The following ZNF138 variants were observed in gnomAD, a reference collection of about 807,000 sequenced individuals.
ZNF138 encodes zinc finger protein 138, also known as zinc finger protein 138 (clone pHZ-32).
ZNF138 carries 33 observed loss-of-function variants against 33.0 expected under a neutral mutation model. The ratio of observed to expected loss-of-function variants is 1.00; its 90% CI spans 0.76 to 1.34. The LOEUF (loss-of-function observed/expected upper bound fraction) is 1.34. Among genes scored for constraint, ZNF138 ranks in the 40% most tolerant of loss-of-function variants. ZNF138 has a pLI of 0.00. For missense variants in ZNF138, 360 were observed against 370.8 expected (o/e 0.97, Z 0.24); for synonymous variants, 139 against 120.4 (o/e 1.15, Z -1.01).
At chr7:64,837,577 G>A (rs1278413354), downstream of ZNF138, among the ~76,000 whole-genome samples, 1 of 152,124 alleles carries the variant, frequency 6.6e-6, no homozygotes, top group Admixed American at 6.5e-5. Flanking sequence ...AGGGCAAAGG[G>A]AAGTAAGGTT....
the ZNF138 span, chr7:64,852,899 TC>T: frequency 9.6e-7 from 1 of 1,044,090 alleles, no homozygotes; most frequent in Non-Finnish European, 1.5e-6. Flanking sequence ...CGTTTCTGCC[TC>T]CTCAGCTGCG....
At chr7:64,826,267 TTTGA>T (rs751621802) in intron 3 of ZNF138, among the ~76,000 whole-genome samples, 2 of 152,178 alleles carry the variant, frequency 1.3e-5, no homozygotes, top group Non-Finnish European at 2.9e-5. Flanking sequence ...AGTGACGTGC[TTTGA>T]TTATTTATTT....
intron 3 of ZNF138, among the ~76,000 whole-genome samples, chr7:64,829,464 T>A (rs1789906605): frequency 1.1e-5 from 1 of 87,138 alleles, no homozygotes; most frequent in African/African-American, 4.2e-5. Context: ...ATCTATTATT[T>A]TGTAATTTTT....
At chr7:64,813,751 G>A (rs1402631595) in intron 1 of ZNF138, among the ~76,000 whole-genome samples, 1 of 151,840 alleles carries the variant, frequency 6.6e-6, no homozygotes, top group African/African-American at 2.4e-5. Flanking sequence ...TTTTTTTTAT[G>A]GTTACATTCA....
chr7:64,810,163 G>C (rs1045931150), intron 1 of ZNF138, among the ~76,000 whole-genome samples: 1 of 128,984 alleles, frequency 7.8e-6, no homozygotes, highest in East Asian at 2.3e-4. Flanking sequence ...TCCAGCCTGG[G>C]CACCATTGAG....
intron 1 of ZNF138, among the ~76,000 whole-genome samples, chr7:64,811,193 G>C (rs779624683): frequency 2.6e-5 from 4 of 152,010 alleles, no homozygotes; most frequent in African/African-American, 4.8e-5. Flanking sequence ...TCTAAATCCA[G>C]GGAATTATTA....
At chr7:64,860,301 A>G in the ZNF138 span, among the ~76,000 whole-genome samples, 1 of 152,228 alleles carries the variant, frequency 6.6e-6, no homozygotes, top group Admixed American at 6.5e-5. Flanking sequence ...AAATATTTTT[A>G]TACCAATTTT....
chr7:64,829,190 T>G (rs142540976), intron 3 of ZNF138, among the ~76,000 whole-genome samples: 508 of 152,214 alleles, frequency 3.3e-3, no homozygotes, highest in African/African-American at 0.012. Context: ...TTGTTAGGAG[T>G]ATTCTCTATA....
chr7:64,852,933 G>A, the ZNF138 span: 3 of 1,210,570 alleles, frequency 2.5e-6, no homozygotes, highest in Non-Finnish European at 3.7e-6. Context: ...TGGATAATCA[G>A]AGGCATCACT....
At chr7:64,852,748 C>A in the ZNF138 span, 1 of 940,542 alleles carries the variant, frequency 1.1e-6, no homozygotes, top group Non-Finnish European at 1.8e-6. Flanking sequence ...CCCCCTGTGT[C>A]CCCAGGGGTT....
intron 3 of ZNF138, among the ~76,000 whole-genome samples, chr7:64,824,128 A>T (rs1425827521): frequency 2.0e-5 from 3 of 152,140 alleles, no homozygotes; most frequent in Admixed American, 6.5e-5. Context: ...TATAATCCTC[A>T]GTGTTGGAGG....
In ZNF138 at chr7:64,831,539, A is replaced by G. The variant is rs1225077571; in HGVS notation, c.297A>G (p.Lys99=). 2.5e-6 allele frequency: 4 copies of G among 1,613,518 alleles called. No homozygotes were observed. Among genetic ancestry groups the G allele is most frequent in the South Asian group, 2.2e-5 (2 of 90,872 alleles). Residue 99 remains lysine (K), a synonymous_variant, in exon 4 of 4, where the codon AAA becomes AAG. Transcript: ENST00000307355. The part of the protein sequence containing the change: ...FQKVTLSRYG[K]YGHKNLQLRK... ...AAGTGACACTGAGCAGATATGGAAA[A>G]TATGGACATAAGAATTTACAGTTAA...
intron 1 of ZNF138, among the ~76,000 whole-genome samples, chr7:64,795,533 C>T (rs545577634): frequency 1.3e-5 from 2 of 152,284 alleles, no homozygotes; most frequent in African/African-American, 4.8e-5. Context: ...CTTTAGTGTA[C>T]ATTTGAAATA....
intron 1 of ZNF138, among the ~76,000 whole-genome samples, chr7:64,805,006 T>G (rs6964405): frequency 1.2e-3 from 188 of 152,254 alleles, no homozygotes; most frequent in Non-Finnish European, 1.9e-3. Flanking sequence ...CCATGGTGTC[T>G]GTGAATGAGG....
chr7:64,852,371 C>A, the ZNF138 span: 2 of 1,412,898 alleles, frequency 1.4e-6, no homozygotes, highest in Non-Finnish European at 2.0e-6. Flanking sequence ...AAAAACAAAA[C>A]CAAACAGCTA....
chr7:64,800,449 GT>G (rs1787049937), intron 1 of ZNF138, among the ~76,000 whole-genome samples: 1 of 152,128 alleles, frequency 6.6e-6, no homozygotes, highest in East Asian at 1.9e-4. Context: ...TAATCTTGCA[GT>G]TTTTATCTTT....
intron 3 of ZNF138, among the ~76,000 whole-genome samples, chr7:64,825,224 G>T (rs1457056113): frequency 7.4e-6 from 1 of 134,926 alleles, no homozygotes; most frequent in Non-Finnish European, 1.5e-5. Flanking sequence ...CCAGGCTGGA[G>T]TGCAGTGGCG....
chr7:64,833,980 C>T (rs1361849017), downstream of ZNF138, among the ~76,000 whole-genome samples: 1 of 152,152 alleles, frequency 6.6e-6, no homozygotes, highest in Non-Finnish European at 1.5e-5. Context: ...TACACCTCTG[C>T]CTCCCAAAGT....
intron 3 of ZNF138, among the ~76,000 whole-genome samples, chr7:64,829,422 G>A (rs1327055599): frequency 6.6e-6 from 1 of 150,486 alleles, no homozygotes; most frequent in Non-Finnish European, 1.5e-5. Context: ...ACACACATAT[G>A]TAGAAATTTG....
Sources: allele counts gnomAD v4.1 joint callset (sites outside exome capture counted in the v4.1 genomes callset), GRCh38; gene constraint gnomAD v4.1.1; transcripts MANE v1.5; gene names NCBI Gene and HGNC (gene_info 2026-07-23, HGNC 2026-07-21).